Variants in LRP1B observed in about 807,000 individuals in gnomAD.
LRP1B encodes LDL receptor related protein 1B.
Under a neutral mutation model 556.6 loss-of-function variants are expected in LRP1B, and 217 were observed. That is an observed-to-expected ratio of 0.39 (90% CI 0.35 to 0.44). The LOEUF (loss-of-function observed/expected upper bound fraction) is 0.44. LRP1B is among the 20% of genes least tolerant of loss of function. The pLI is 1.00. For missense variants in LRP1B, 5,053 were observed against 5,620.8 expected (o/e 0.90, Z 3.23); for synonymous variants, 2,047 against 1,865.8 (o/e 1.10, Z -2.50).
chr2:140,297,017 T>C (rs912042475), intron 84 of LRP1B, among the ~76,000 whole-genome samples: 9 of 151,668 alleles, frequency 5.9e-5, no homozygotes, highest in African/African-American at 2.2e-4. Context: ...GACAGGAAAA[T>C]AGTCATAAAG....
At chr2:141,371,195 G>C (rs1689219050) in intron 3 of LRP1B, among the ~76,000 whole-genome samples, 1 of 152,022 alleles carries the variant, frequency 6.6e-6, no homozygotes, top group African/African-American at 2.4e-5. Flanking sequence ...CGCCAGGCTG[G>C]TCCTGAACTT....
intron 14 of LRP1B, among the ~76,000 whole-genome samples, chr2:141,008,228 A>G (rs2105377497): frequency 6.6e-6 from 1 of 151,592 alleles, no homozygotes; most frequent in Non-Finnish European, 1.5e-5. Context: ...ATGAAAACTT[A>G]TAAGCAATCC....
chr2:140,675,148 C>T (rs955525514), intron 41 of LRP1B, among the ~76,000 whole-genome samples: 1 of 152,182 alleles, frequency 6.6e-6, no homozygotes, highest in Non-Finnish European at 1.5e-5. Context: ...ATCATTGAGC[C>T]CATCCAGATT....
At chr2:142,010,535 A>G (rs1157502815) in intron 1 of LRP1B, among the ~76,000 whole-genome samples, 2 of 139,958 alleles carry the variant, frequency 1.4e-5, no homozygotes, top group Non-Finnish European at 3.1e-5. Flanking sequence ...AGGCTGGGCG[A>G]CAGAGCAAGA....
At position 140,868,761 on chromosome 2, in the gene LRP1B, G is replaced by C. The variant is rs13411983; in HGVS notation, c.4170-498C>G. Among the ~76,000 whole-genome samples, 829 of 152,216 alleles carry C rather than the reference G, an allele frequency of 5.4e-3. 6 individuals carry two copies. The highest frequency in any genetic ancestry group is 6.8e-3 in the Non-Finnish European group (465 of 67,990). ...AATAGGTGATCTTATGGGTCTTGTA[G>C]GGTAAGAGAATTATTCTGGATTTTA... On this transcript the variant is annotated intron_variant, in intron 25 of 90. Transcript: ENST00000389484.
At chr2:141,201,057 T>C (rs1489654818) in intron 6 of LRP1B, among the ~76,000 whole-genome samples, 2 of 152,094 alleles carry the variant, frequency 1.3e-5, no homozygotes, top group African/African-American at 4.8e-5. Flanking sequence ...GAAATAAGTG[T>C]AGAAGGACCT....
chr2:140,823,969 A>G (rs900649024), intron 31 of LRP1B, among the ~76,000 whole-genome samples: 2 of 151,936 alleles, frequency 1.3e-5, no homozygotes, highest in Non-Finnish European at 2.9e-5. Context: ...GGAGAGGAGC[A>G]GAAAAAAATA....
intron 41 of LRP1B, among the ~76,000 whole-genome samples, chr2:140,624,750 T>G (rs934962086): frequency 6.6e-6 from 1 of 152,154 alleles, no homozygotes. Flanking sequence ...TATTATATAT[T>G]GATGAGATAG....
chr2:141,355,832 C>T (rs1031271004), intron 3 of LRP1B, among the ~76,000 whole-genome samples: 4 of 152,104 alleles, frequency 2.6e-5, no homozygotes, highest in Non-Finnish European at 5.9e-5. Flanking sequence ...TTGCATACTG[C>T]TACCTTTTCC....
At chr2:141,415,101 G>T (rs140414722) in intron 3 of LRP1B, among the ~76,000 whole-genome samples, 1 of 152,140 alleles carries the variant, frequency 6.6e-6, no homozygotes, top group Non-Finnish European at 1.5e-5. Flanking sequence ...TGCAAACTCC[G>T]CCTCCCGGGT....
intron 2 of LRP1B, among the ~76,000 whole-genome samples, chr2:141,588,949 A>G (rs1317170976): frequency 6.6e-6 from 1 of 151,970 alleles, no homozygotes; most frequent in Non-Finnish European, 1.5e-5. Flanking sequence ...AATCTTAATC[A>G]TGCCAGAAAA....
chr2:140,965,476 TG>T (rs1380657132), intron 18 of LRP1B, among the ~76,000 whole-genome samples: 1 of 152,128 alleles, frequency 6.6e-6, no homozygotes, highest in Admixed American at 6.5e-5. Context: ...GATATATTGG[TG>T]AGCATGATTC....
At chr2:141,442,385 T>A (rs1288892322) in intron 3 of LRP1B, among the ~76,000 whole-genome samples, 1 of 151,872 alleles carries the variant, frequency 6.6e-6, no homozygotes, top group Non-Finnish European at 1.5e-5. Flanking sequence ...AATATACTAC[T>A]GTTTTCTGAA....
chr2:140,478,054 G>T (rs2105351630), intron 59 of LRP1B, among the ~76,000 whole-genome samples: 1 of 149,116 alleles, frequency 6.7e-6, no homozygotes, highest in Non-Finnish European at 1.5e-5. Context: ...TTCTTTGGAA[G>T]AAAAAACTTA....
At chr2:141,069,994 C>G (rs1211873308) in intron 7 of LRP1B, among the ~76,000 whole-genome samples, 1 of 145,246 alleles carries the variant, frequency 6.9e-6, no homozygotes, top group East Asian at 2.1e-4. Context: ...TGATGTTCCC[C>G]TTCCTGTGTC....
chr2:141,098,875 T>G (rs1700389611), intron 7 of LRP1B, among the ~76,000 whole-genome samples: 1 of 152,298 alleles, frequency 6.6e-6, no homozygotes, highest in Admixed American at 6.5e-5. Flanking sequence ...CAGGCTGGTC[T>G]TGAACTCCCG....
chr2:141,858,954 G>A (rs1158226227), intron 1 of LRP1B, among the ~76,000 whole-genome samples: 1 of 151,904 alleles, frequency 6.6e-6, no homozygotes, highest in East Asian at 1.9e-4. Context: ...AGTGGAAGAG[G>A]AGGAGAGAAC....
At chr2:140,994,389 A>ATGTGTGTGTGTGTGTG (rs3061707) in intron 15 of LRP1B, among the ~76,000 whole-genome samples, 4 of 147,180 alleles carry the variant, frequency 2.7e-5, no homozygotes, top group Admixed American at 6.9e-5. Flanking sequence ...GTAGGTAAGG[A>ATGTGTGTGTGTGTGTG]TGTGTGTGTG....
chr2:141,869,720 CAAT>C (rs1341960825), intron 1 of LRP1B, among the ~76,000 whole-genome samples: 1 of 152,056 alleles, frequency 6.6e-6, no homozygotes, highest in Non-Finnish European at 1.5e-5. Context: ...AACATAACAA[CAAT>C]GTTAAAAGGA....
Sources: gnomAD v4.1 joint callset for allele counts (sites outside exome capture counted in the v4.1 genomes callset) on GRCh38, gnomAD v4.1.1 for gene constraint, MANE v1.5 for transcripts, NCBI Gene and HGNC (gene_info 2026-07-23, HGNC 2026-07-21) for gene names.